Variants in C1QTNF3 observed in about 807,000 individuals in gnomAD.
The protein encoded by C1QTNF3 is complement C1q tumor necrosis factor-related protein 3.
C1QTNF3 carries 26 observed loss-of-function variants against 32.6 expected under a neutral mutation model. The ratio of observed to expected loss-of-function variants is 0.80; its 90% confidence interval spans 0.58 to 1.11. C1QTNF3 has a LOEUF of 1.11. Among genes scored for constraint, C1QTNF3 ranks in the 50% least tolerant of loss-of-function variants. The probability of loss-of-function intolerance (pLI) is 0.00; values close to 1 mark genes in which losing one functional copy is unlikely to be tolerated. For missense variants in C1QTNF3, 362 were observed against 398.2 expected (o/e 0.91, Z 0.77); for synonymous variants, 155 against 146.0 (o/e 1.06, Z -0.44).
the C1QTNF3 span, among the ~76,000 whole-genome samples, chr5:34,134,622 T>C: frequency 4.5e-4 from 69 of 152,346 alleles, no homozygotes; most frequent in African/African-American, 1.7e-3. Context: ...GTGACTTCCT[T>C]GAAGAGATCC....
the C1QTNF3 span, chr5:34,158,249 G>C: frequency 2.0e-5 from 3 of 152,140 alleles, no homozygotes; most frequent in Non-Finnish European, 4.4e-5. Flanking sequence ...TGGGATTACA[G>C]GTGCATGCCA....
chr5:34,088,160 A>G, the C1QTNF3 span, among the ~76,000 whole-genome samples: 540 of 152,388 alleles, frequency 3.5e-3, 2 homozygotes, highest in African/African-American at 0.013. Flanking sequence ...AAGATAATCA[A>G]GTAGCAGATG....
chr5:34,093,882 C>T, the C1QTNF3 span, among the ~76,000 whole-genome samples: 1 of 152,168 alleles, frequency 6.6e-6, no homozygotes, highest in Non-Finnish European at 1.5e-5. Flanking sequence ...AGGGATACCA[C>T]ACCCATGTCT....
the C1QTNF3 span, among the ~76,000 whole-genome samples, chr5:34,116,471 G>A: frequency 1.3e-5 from 2 of 148,550 alleles, no homozygotes; most frequent in African/African-American, 5.0e-5. Context: ...CTTCAATTCT[G>A]TCAATATTTA....
chr5:34,165,083 C>A, the C1QTNF3 span: 1 of 152,162 alleles, frequency 6.6e-6, no homozygotes. Context: ...CTCTCCTGGA[C>A]CTAAGACACC....
the C1QTNF3 span, among the ~76,000 whole-genome samples, chr5:34,135,011 G>A: frequency 1.3e-5 from 2 of 152,162 alleles, no homozygotes; most frequent in African/African-American, 2.4e-5. Context: ...GTTTTCAAAG[G>A]GAATGCTTCC....
the C1QTNF3 span, among the ~76,000 whole-genome samples, chr5:34,153,648 T>C: frequency 3.1e-4 from 24 of 76,834 alleles, no homozygotes; most frequent in African/African-American, 1.2e-3. Context: ...TAGGTGGGAA[T>C]TGAACAATGA....
chr5:34,194,998 G>A, the C1QTNF3 span, among the ~76,000 whole-genome samples: 1 of 152,058 alleles, frequency 6.6e-6, no homozygotes, highest in Non-Finnish European at 1.5e-5. Flanking sequence ...ATCCTTGGTT[G>A]GCTTAACAGA....
the C1QTNF3 span, among the ~76,000 whole-genome samples, chr5:34,049,131 T>C: frequency 6.6e-6 from 1 of 152,250 alleles, no homozygotes; most frequent in Non-Finnish European, 1.5e-5. Context: ...AGTCTTTCTC[T>C]CTAAGATGAC....
the C1QTNF3 span, among the ~76,000 whole-genome samples, chr5:34,072,647 T>C: frequency 6.6e-6 from 1 of 152,166 alleles, no homozygotes; most frequent in African/African-American, 2.4e-5. Flanking sequence ...TCATGAGACT[T>C]AATTTCAGGT....
At chr5:34,021,259 T>C (rs1278330627) in intron 5 of C1QTNF3, among the ~76,000 whole-genome samples, 1 of 152,122 alleles carries the variant, frequency 6.6e-6, no homozygotes, top group Non-Finnish European at 1.5e-5. Flanking sequence ...GGGAAACAAA[T>C]ATCATGGTCT....
chr5:34,087,296 C>CA, the C1QTNF3 span, among the ~76,000 whole-genome samples: 557 of 141,242 alleles, frequency 3.9e-3, 6 homozygotes, highest in African/African-American at 0.013. Flanking sequence ...TTATGTAACT[C>CA]AAAAAAAAAT....
At chr5:34,147,871 G>C in the C1QTNF3 span, among the ~76,000 whole-genome samples, 2 of 152,288 alleles carry the variant, frequency 1.3e-5, no homozygotes, top group East Asian at 3.9e-4. Context: ...GGCCGAATAG[G>C]AACAGCTCCG....
chr5:34,165,418 TTCTG>T, the C1QTNF3 span: 1 of 152,094 alleles, frequency 6.6e-6, no homozygotes, highest in East Asian at 1.9e-4. Context: ...TACGTGTAGG[TTCTG>T]TCTGAGAGAA....
At chr5:34,050,015 T>G in the C1QTNF3 span, among the ~76,000 whole-genome samples, 1 of 152,180 alleles carries the variant, frequency 6.6e-6, no homozygotes, top group African/African-American at 2.4e-5. Flanking sequence ...AAATTCACAC[T>G]GTAAAAAGTA....
chr5:34,142,697 G>C, the C1QTNF3 span, among the ~76,000 whole-genome samples: 1 of 152,186 alleles, frequency 6.6e-6, no homozygotes, highest in East Asian at 1.9e-4. Context: ...ACTTCCCCGT[G>C]AAACCAAGAG....
At chr5:34,132,783 T>G in the C1QTNF3 span, among the ~76,000 whole-genome samples, 1 of 152,170 alleles carries the variant, frequency 6.6e-6, no homozygotes, top group African/African-American at 2.4e-5. Flanking sequence ...GTCTCCGATA[T>G]CTTCCTTTCT....
chr5:34,088,971 AAC>A, the C1QTNF3 span, among the ~76,000 whole-genome samples: 1 of 151,778 alleles, frequency 6.6e-6, no homozygotes, highest in African/African-American at 2.4e-5. Flanking sequence ...TTCATTCTGG[AAC>A]ACTTTTATAG....
chr5:34,213,711 T>C, the C1QTNF3 span, among the ~76,000 whole-genome samples: 2 of 142,456 alleles, frequency 1.4e-5, no homozygotes, highest in African/African-American at 5.2e-5. Context: ...TATATGTGTA[T>C]ATATATGTAT....
Sources: allele counts gnomAD v4.1 joint callset (sites outside exome capture counted in the v4.1 genomes callset), GRCh38; gene constraint gnomAD v4.1.1; transcripts MANE v1.5; gene names NCBI Gene and HGNC (gene_info 2026-07-23, HGNC 2026-07-21).